The following LOC114841035 variants were observed in gnomAD, a reference collection of about 807,000 sequenced individuals.
At chr11:64,242,562 A>C in the LOC114841035 span, 1 of 1,518,032 alleles carries the variant, frequency 6.6e-7, no homozygotes, top group South Asian at 1.2e-5. Context: ...CTACACGGTG[A>C]GTGGGTTGGG....
the LOC114841035 span, chr11:64,242,691 A>T: frequency 9.9e-7 from 1 of 1,009,142 alleles, no homozygotes; most frequent in Non-Finnish European, 1.4e-6. Context: ...GCCAGTTTCC[A>T]TGGTTCTGCC....
the LOC114841035 span, chr11:64,243,925 C>G: frequency 5.0e-6 from 8 of 1,614,048 alleles, no homozygotes; most frequent in Non-Finnish European, 5.1e-6. Flanking sequence ...GCCCACCTCC[C>G]TGTGGCCCTG....
At chr11:64,243,117 C>T in the LOC114841035 span, 4 of 1,277,498 alleles carry the variant, frequency 3.1e-6, no homozygotes, top group Non-Finnish European at 4.6e-6. Context: ...CGTGGGGGGG[C>T]AGCTTGATGG....
the LOC114841035 span, chr11:64,243,503 A>T: frequency 6.2e-7 from 1 of 1,613,576 alleles, no homozygotes; most frequent in Admixed American, 1.7e-5. Context: ...GCTAGGTAAG[A>T]GGCCCCTCCT....
At chr11:64,244,036 T>TG in the LOC114841035 span, 1 of 1,612,472 alleles carries the variant, frequency 6.2e-7, no homozygotes, top group South Asian at 1.1e-5. Flanking sequence ...GTAACCAGAC[T>TG]GGGGAGGGGC....
At chr11:64,243,211 G>C in the LOC114841035 span, 2 of 1,613,746 alleles carry the variant, frequency 1.2e-6, no homozygotes, top group African/African-American at 1.3e-5. Flanking sequence ...GAAGCTGGAA[G>C]ATGGGACAGA....
chr11:64,243,341 G>C, the LOC114841035 span: 2 of 1,597,630 alleles, frequency 1.3e-6, no homozygotes, highest in South Asian at 1.1e-5. Flanking sequence ...GCTTGGGAGT[G>C]GGGGCGTGCA....
At chr11:64,243,263 C>T in the LOC114841035 span, 3 of 1,612,592 alleles carry the variant, frequency 1.9e-6, no homozygotes, top group Non-Finnish European at 2.5e-6. Context: ...TTTGTCTTCT[C>T]CCTTGGCACA....
the LOC114841035 span, chr11:64,241,685 G>A: frequency 5.0e-4 from 76 of 152,428 alleles, 1 homozygote; most frequent in African/African-American, 1.8e-3. Context: ...GCGTCCTCGC[G>A]GGGGTGGTCT....
the LOC114841035 span, chr11:64,242,604 G>A: frequency 2.0e-6 from 3 of 1,513,886 alleles, no homozygotes; most frequent in South Asian, 3.8e-5. Flanking sequence ...GGGCTTCCGA[G>A]GACCAGAGAG....
chr11:64,243,484 C>A, the LOC114841035 span: 1 of 1,613,846 alleles, frequency 6.2e-7, no homozygotes, highest in African/African-American at 1.3e-5. Flanking sequence ...AGCTGGTGAT[C>A]CCATCCGAGC....
the LOC114841035 span, chr11:64,242,674 C>T: frequency 2.6e-6 from 3 of 1,133,666 alleles, no homozygotes; most frequent in Admixed American, 6.8e-5. Flanking sequence ...TCCCCTCTCG[C>T]CTCTAAGCCA....
the LOC114841035 span, chr11:64,241,618 T>G: frequency 2.0e-5 from 3 of 152,344 alleles, no homozygotes; most frequent in African/African-American, 7.3e-5. Flanking sequence ...TACCGCGTCC[T>G]CCGAAGGGCG....
chr11:64,242,434 T>C, the LOC114841035 span: 1 of 1,552,114 alleles, frequency 6.4e-7, no homozygotes, highest in East Asian at 2.5e-5. Flanking sequence ...TCCATCTGCC[T>C]GAGCGCCGTG....
At chr11:64,244,011 G>C in the LOC114841035 span, 1 of 1,613,960 alleles carries the variant, frequency 6.2e-7, no homozygotes, top group South Asian at 1.1e-5. Context: ...TCAAAATAGA[G>C]CGACGAACTG....
chr11:64,242,257 G>A, the LOC114841035 span: 6 of 972,194 alleles, frequency 6.2e-6, no homozygotes, highest in African/African-American at 5.2e-5. Context: ...GGTGACCCGG[G>A]ACAAAGGGGA....
At chr11:64,241,552 G>A in the LOC114841035 span, 70 of 152,940 alleles carry the variant, frequency 4.6e-4, no homozygotes, top group Middle Eastern at 0.01. Context: ...GCGTGGCTAC[G>A]GCTCCGGAAA....
chr11:64,244,016 G>A, the LOC114841035 span: 45 of 1,613,592 alleles, frequency 2.8e-5, no homozygotes, highest in Non-Finnish European at 3.5e-5. Flanking sequence ...ATAGAGCGAC[G>A]AACTGAGCTG....
At chr11:64,243,701 G>A in the LOC114841035 span, 4 of 1,295,468 alleles carry the variant, frequency 3.1e-6, no homozygotes, top group South Asian at 5.0e-5. Context: ...CCCTTGCCAG[G>A]CCTTTGGCAC....
Sources: gnomAD v4.1 joint callset for allele counts on GRCh38, gnomAD v4.1.1 for gene constraint, MANE v1.5 for transcripts.